Variants in LRFN5 observed in about 807,000 individuals in gnomAD.
LRFN5 encodes the protein leucine-rich repeat and fibronectin type-III domain-containing protein 5.
Under a neutral mutation model 45.6 loss-of-function variants are expected in LRFN5, and 24 were observed. That is an observed-to-expected ratio of 0.53 (90% CI 0.38 to 0.74). The LOEUF (loss-of-function observed/expected upper bound fraction) is 0.74. LRFN5 is among the 30% of genes least tolerant of loss of function. The pLI is 0.00. For missense variants in LRFN5, 776 were observed against 861.5 expected (o/e 0.90, Z 1.24); for synonymous variants, 340 against 313.8 (o/e 1.08, Z -0.88).
chr14:41,674,334 C>T (rs1176470435), intron 1 of LRFN5, among the ~76,000 whole-genome samples: 1 of 131,260 alleles, frequency 7.6e-6, no homozygotes, highest in African/African-American at 2.9e-5. Context: ...GGGGGCCGAC[C>T]CCCCCACCTC....
chr14:41,895,164 C>T (rs557121077), intron 4 of LRFN5, among the ~76,000 whole-genome samples: 239 of 151,842 alleles, frequency 1.6e-3, no homozygotes, highest in Admixed American at 3.0e-3. Context: ...ATAATTGTCC[C>T]CCAATTGAAA....
chr14:41,773,908 G>A (rs1886182558), intron 2 of LRFN5, among the ~76,000 whole-genome samples: 2 of 152,172 alleles, frequency 1.3e-5, no homozygotes, highest in South Asian at 2.1e-4. Context: ...CTTTCTGAAA[G>A]CCCATACATA....
At position 41,741,814 on chromosome 14, in the gene LRFN5, T is replaced by TA. The variant is rs59143932; in HGVS notation, c.-196-25028dup. On this transcript the variant is annotated intron_variant, in intron 1 of 5. Coordinates refer to ENST00000298119, the MANE Select transcript of LRFN5 (RefSeq NM_152447.5). Reference sequence around the variant, plus strand: ...CCATACATATGGTAAGGGGCTAAAATAAAAAAAAAAAACCAAAAAACTAAT... The same window carrying TA: ...CCATACATATGGTAAGGGGCTAAAATAAAAAAAAAAAAACCAAAAAACTAAT... Among the ~76,000 whole-genome samples, 717 of 134,948 alleles carry TA rather than the reference T, an allele frequency of 5.3e-3. 6 individuals are homozygous for TA. Among genetic ancestry groups the TA allele is most frequent in the African/African-American group, 9.7e-3 (358 of 36,744 alleles). 88.5% of individuals were successfully genotyped at this position (134,948 alleles called of 152,430 possible).
At chr14:41,615,627 G>A (rs1887902441) in intron 1 of LRFN5, among the ~76,000 whole-genome samples, 1 of 151,954 alleles carries the variant, frequency 6.6e-6, no homozygotes, top group African/African-American at 2.4e-5. Context: ...AGTTAAGCAG[G>A]GCCATTACTT....
intron 2 of LRFN5, among the ~76,000 whole-genome samples, chr14:41,807,646 C>T (rs914669602): frequency 3.3e-5 from 5 of 152,052 alleles, no homozygotes; most frequent in Admixed American, 1.3e-4. Flanking sequence ...ACCCTGTCTG[C>T]TGGGAGGGAC....
intron 1 of LRFN5, among the ~76,000 whole-genome samples, chr14:41,670,256 G>GATATATAT (rs1165968461): frequency 3.3e-4 from 15 of 45,744 alleles, no homozygotes; most frequent in Non-Finnish European, 4.1e-4. Context: ...CATACACACA[G>GATATATAT]ATATATATAT....
At chr14:41,850,313 G>A (rs1236162104) in intron 2 of LRFN5, among the ~76,000 whole-genome samples, 1 of 151,722 alleles carries the variant, frequency 6.6e-6, no homozygotes, top group African/African-American at 2.4e-5. Flanking sequence ...AAGTGATTGA[G>A]GTAGAATAAG....
chr14:41,682,968 A>G lies in LRFN5; in HGVS notation c.-197+74406A>G, dbSNP rs536208670. On this transcript the variant is annotated intron_variant, in intron 1 of 5. Coordinates refer to ENST00000298119, the MANE Select transcript of LRFN5 (RefSeq NM_152447.5). Reference sequence around the variant, plus strand: ...TCCAAACTCCTTCTGTGAGGCCAGTATTACCCTGATACCAAAACCAGACAG... The same window carrying G: ...TCCAAACTCCTTCTGTGAGGCCAGTGTTACCCTGATACCAAAACCAGACAG... Among the ~76,000 whole-genome samples the G allele has an allele frequency of 4.6e-5, 7 of 152,284 alleles. No homozygotes were observed. In the South Asian group the frequency reaches 1.5e-3, roughly 32 times the overall value.
chr14:41,639,227 C>T (rs1418110997), intron 1 of LRFN5, among the ~76,000 whole-genome samples: 1 of 152,028 alleles, frequency 6.6e-6, no homozygotes, highest in African/African-American at 2.4e-5. Context: ...AGGTATCTTG[C>T]AAGGCACAGG....
intron 1 of LRFN5, among the ~76,000 whole-genome samples, chr14:41,736,428 C>T (rs1349636538): frequency 1.3e-5 from 2 of 152,134 alleles, no homozygotes; most frequent in Non-Finnish European, 2.9e-5. Context: ...CTGTTCACAT[C>T]CTTTGCCCAC....
intron 2 of LRFN5, among the ~76,000 whole-genome samples, chr14:41,827,763 ATTT>A (rs1168965254): frequency 6.6e-6 from 1 of 152,034 alleles, no homozygotes; most frequent in Non-Finnish European, 1.5e-5. Context: ...TGTTTTAACA[ATTT>A]TTTATTTGTT....
rs184983720 is a variant in LRFN5 at position 41,835,320 on chromosome 14, A to G, written c.-20-51286A>G. On this transcript the variant is annotated intron_variant, in intron 2 of 5. Transcript: ENST00000298119. ...ACTGCTTGTCTGTGCTTCTTTGGCT[A>G]TAGGCTAAAAACATGGAATGCTCTC... Among the ~76,000 whole-genome samples the G allele has an allele frequency of 6.2e-4, 95 of 152,298 alleles. No individual in the cohort carries two copies. The South Asian group carries it at 9.1e-3, about 15-fold the overall frequency.
intron 2 of LRFN5, among the ~76,000 whole-genome samples, chr14:41,787,459 A>G (rs1196584236): frequency 1.3e-5 from 2 of 152,072 alleles, no homozygotes; most frequent in African/African-American, 4.8e-5. Context: ...TAGCAATTAA[A>G]ATACTGTGCC....
At chr14:41,770,903 A>G (rs1886060888) in intron 2 of LRFN5, among the ~76,000 whole-genome samples, 1 of 151,676 alleles carries the variant, frequency 6.6e-6, no homozygotes, top group Non-Finnish European at 1.5e-5. Flanking sequence ...CTCTGTGAGG[A>G]GCTCCACTCT....
chr14:41,892,583 C>T (rs1247573224), intron 4 of LRFN5: 2 of 980,882 alleles, frequency 2.0e-6, no homozygotes, highest in Non-Finnish European at 1.2e-6. Context: ...AATAGTGTTT[C>T]CTTTGTTTTT....
intron 2 of LRFN5, among the ~76,000 whole-genome samples, chr14:41,877,751 A>G (rs1300922905): frequency 6.6e-6 from 1 of 152,124 alleles, no homozygotes; most frequent in African/African-American, 2.4e-5. Context: ...CAACATTTTC[A>G]TAGTTGGCCA....
intron 2 of LRFN5, among the ~76,000 whole-genome samples, chr14:41,824,566 CT>C (rs1888229917): frequency 6.6e-6 from 1 of 152,188 alleles, no homozygotes; most frequent in Non-Finnish European, 1.5e-5. Context: ...GTGCTGTGCA[CT>C]TTTGTTAGCA....
intron 2 of LRFN5, among the ~76,000 whole-genome samples, chr14:41,847,091 A>G (rs1406219850): frequency 6.6e-6 from 1 of 152,142 alleles, no homozygotes; most frequent in Non-Finnish European, 1.5e-5. Context: ...ATTTTCATGA[A>G]AGTGTTTTTA....
In LRFN5 at chr14:41,853,753, A is replaced by G. The variant is rs1020702849; in HGVS notation, c.-20-32853A>G. On this transcript the variant is annotated intron_variant, in intron 2 of 5. Transcript: ENST00000298119. ...CATGGGGAATGGTGAGATTACTTTG[A>G]ATAAGAATATAGGTAAAGAGGAATA... 1.1e-4 allele frequency among the ~76,000 whole-genome samples: 17 copies of G among 152,118 alleles called. 1 individual carries two copies. Among genetic ancestry groups the G allele is most frequent in the African/African-American group, 3.6e-4 (15 of 41,430 alleles).
Sources: gnomAD v4.1 joint callset for allele counts (sites outside exome capture counted in the v4.1 genomes callset) on GRCh38, gnomAD v4.1.1 for gene constraint, MANE v1.5 for transcripts, NCBI Gene and HGNC (gene_info 2026-07-23, HGNC 2026-07-21) for gene names.